Variants in ZZEF1 observed in about 807,000 individuals in gnomAD.
The protein encoded by ZZEF1 is zinc finger ZZ-type and EF-hand domain containing 1, also known as zinc finger ZZ-type and EF-hand domain-containing protein 1.
ZZEF1 carries 157 observed loss-of-function variants against 342.8 expected under a neutral mutation model. The ratio of observed to expected loss-of-function variants is 0.46; its 90% confidence interval spans 0.40 to 0.52. The LOEUF (loss-of-function observed/expected upper bound fraction) is 0.52, where lower values mean the gene tolerates loss of function less well. Among genes scored for constraint, ZZEF1 ranks in the 20% least tolerant of loss-of-function variants. ZZEF1 has a pLI of 0.00. For synonymous variants in ZZEF1, 1,505 were observed against 1,429.1 expected (o/e 1.05, Z -1.20); for missense variants, 3,480 against 3,725.6 (o/e 0.93, Z 1.72).
intron 9 of ZZEF1, 87 bp downstream of exon 9, chr17:4,102,230 T>C: frequency 8.1e-7 from 1 of 1,229,498 alleles, no homozygotes; most frequent in Non-Finnish European, 1.2e-6. Context: ...ACTGCACGCC[T>C]CAAACATTTC....
Position 4,017,280 on chromosome 17 carries a change from T to A in ZZEF1, c.8001+91A>T. On this transcript the variant is annotated intron_variant, in intron 48 of 54. Coordinates refer to ENST00000381638, the MANE Select transcript of ZZEF1 (RefSeq NM_015113.4). The surrounding 1 kb of genome is among the most constrained non-coding windows in gnomAD (Gnocchi z 5.1). Reference sequence around the variant, plus strand: ...TCAGGGAGCTGCACAGCCACACAGGTAGCCTCGCTCCAGGAAGCACTCACT... The same window carrying A: ...TCAGGGAGCTGCACAGCCACACAGGAAGCCTCGCTCCAGGAAGCACTCACT... 2 of 1,507,710 alleles carry A rather than the reference T, an allele frequency of 1.3e-6. No individual in the cohort carries two copies. Among genetic ancestry groups the A allele is most frequent in the Non-Finnish European group, 1.8e-6 (2 of 1,127,134 alleles). 93.4% of individuals were successfully genotyped at this position (1,507,710 alleles called of 1,614,324 possible).
chr17:4,097,251 C>A (rs1342991449), intron 9 of ZZEF1, among the ~76,000 whole-genome samples: 32 of 137,244 alleles, frequency 2.3e-4, no homozygotes, highest in African/African-American at 4.2e-4. Context: ...AACTCCGTCT[C>A]AAAAAAAAAA....
At chr17:4,091,665 T>C (rs1351071465) in intron 11 of ZZEF1, among the ~76,000 whole-genome samples, 1 of 151,908 alleles carries the variant, frequency 6.6e-6, no homozygotes, top group Non-Finnish European at 1.5e-5. Context: ...TAATCTCAGC[T>C]ACTCAGGAGG....
chr17:4,050,730 T>G lies in ZZEF1; in HGVS notation c.5863+51A>C, dbSNP rs571389017. ...GTATTTTACATTTGCCAAGGCTTTTTTTCACCAGCAACTGAGGGCTGGTTT... is the reference window on the plus strand; with the variant it reads ...GTATTTTACATTTGCCAAGGCTTTTGTTCACCAGCAACTGAGGGCTGGTTT... On this transcript the variant is annotated intron_variant, in intron 36 of 54. Coordinates refer to ENST00000381638, the MANE Select transcript of ZZEF1 (RefSeq NM_015113.4). The G allele has an allele frequency of 6.8e-6, 11 of 1,607,264 alleles. No individual in the cohort carries two copies. The South Asian group carries it at 1.2e-4, about 18-fold the overall frequency.
At chr17:4,108,220 A>C (rs1416994901) in intron 6 of ZZEF1, among the ~76,000 whole-genome samples, 1 of 152,238 alleles carries the variant, frequency 6.6e-6, no homozygotes, top group Non-Finnish European at 1.5e-5. Flanking sequence ...AGACTGCATT[A>C]GAATGAGGAC....
chr17:4,103,727 G>A (rs2058164451), intron 8 of ZZEF1, among the ~76,000 whole-genome samples: 1 of 152,176 alleles, frequency 6.6e-6, no homozygotes, highest in East Asian at 1.9e-4. Flanking sequence ...AGACCAGCTT[G>A]GGCAACATAG....
chr17:4,024,186 GTTTTTTTTTTT>G (rs754985234), intron 43 of ZZEF1, among the ~76,000 whole-genome samples: 13 of 94,430 alleles, frequency 1.4e-4, no homozygotes, highest in East Asian at 3.3e-4. Context: ...TATTGCCCAG[GTTTTTTTTTTT>G]TTTTTTTTTT....
chr17:4,024,998 A>C lies in ZZEF1; in HGVS notation c.7013T>G (p.Met2338Arg). ...FIASHLLQSS[M>R]DSHCPEAVEA... The stretch of plus-strand genomic sequence containing the variant: ...TACTGCCTCGGGACAATGGCTGTCC[A>C]TGCTGCTTTGCAGAAGGTGACTGGC... The change falls in exon 43 of 55, where the codon ATG becomes AGG. Residue 2338 changes from methionine (M) to arginine (R), a missense_variant. Physicochemically the swap from Met to Arg is moderately conservative, Grantham distance 91 (BLOSUM62 -1). Transcript: ENST00000381638. The C allele has an allele frequency of 6.2e-7, 1 of 1,614,192 alleles. No homozygotes were observed.
At position 4,017,769 on chromosome 17, in the gene ZZEF1, C is replaced by G; in HGVS notation, c.7642-39G>C. 1.2e-6 allele frequency: 2 copies of G among 1,613,010 alleles called. No individual in the cohort carries two copies. Among genetic ancestry groups the G allele is most frequent in the Non-Finnish European group, 1.7e-6 (2 of 1,179,524 alleles). ...ACCACCATTACAGAGGTCTAGCCTT[C>G]TTACAGTGGTGGTATGGGGTGGGGG... is the stretch of plus-strand genomic sequence containing the variant. On this transcript the variant is annotated intron_variant, in intron 47 of 54. Coordinates refer to ENST00000381638, the MANE Select transcript of ZZEF1 (RefSeq NM_015113.4). This position sits in a 1 kb window ranked among gnomAD's most constrained non-coding sequence, Gnocchi z 5.1.
chr17:4,094,007 C>T (rs2057991385), intron 11 of ZZEF1, among the ~76,000 whole-genome samples: 1 of 152,174 alleles, frequency 6.6e-6, no homozygotes, highest in Admixed American at 6.5e-5. Flanking sequence ...CTTCATGAGG[C>T]CCTGGCTTTC....
At position 4,013,625 on chromosome 17, in the gene ZZEF1, C is replaced by T. The variant is rs762273700; in HGVS notation, c.8414-11G>A. 30 of 1,605,808 alleles carry T rather than the reference C, an allele frequency of 1.9e-5. No individual in the cohort carries two copies. The South Asian group carries it at 2.9e-4, about 15-fold the overall frequency. ...TCAAAATCTCGAATCCTGGCCAACA[C>T]CCCAAAACACGGATATATAAACAGA... On this transcript the variant is annotated splice_polypyrimidine_tract_variant and intron_variant, in intron 51 of 54. Transcript: ENST00000381638.
At chr17:4,115,607 G>T (rs1363486598) in intron 3 of ZZEF1, among the ~76,000 whole-genome samples, 1 of 152,108 alleles carries the variant, frequency 6.6e-6, no homozygotes, top group Non-Finnish European at 1.5e-5. Flanking sequence ...AGGTTTCGGT[G>T]AGCCGGGATC....
At chr17:4,078,620 A>G (rs1333549176) in intron 18 of ZZEF1, among the ~76,000 whole-genome samples, 2 of 152,236 alleles carry the variant, frequency 1.3e-5, no homozygotes, top group Non-Finnish European at 2.9e-5. Flanking sequence ...CAAGGCAGGA[A>G]GAGAGTGAGC....
rs1458887190 is a variant in ZZEF1, at chr17:4,076,742, G to T, written c.3129C>A (p.Asp1043Glu). Reference protein sequence around the residue: ...AARQLVIFLLDFCTLDIPHCV... With the variant: ...AARQLVIFLLEFCTLDIPHCV... ...AGTGTGGGATGTCTAAAGTGCAGAAGTCCAGCAGGAAGATAACCTAATGGA... is the reference window on the plus strand; with the variant it reads ...AGTGTGGGATGTCTAAAGTGCAGAATTCCAGCAGGAAGATAACCTAATGGA... Residue 1043 changes from aspartate to glutamate, a missense_variant, in exon 21 of 55, where the codon GAC becomes GAA. Physicochemically the swap from Asp to Glu is conservative, Grantham distance 45. Coordinates refer to ENST00000381638, the MANE Select transcript of ZZEF1 (RefSeq NM_015113.4). 6.2e-7 allele frequency: 1 copy of T among 1,610,530 alleles called. No individual in the cohort carries two copies. Among genetic ancestry groups the T allele is most frequent in the Non-Finnish European group, 8.5e-7 (1 of 1,177,392 alleles).
rs1017382915 is a variant in ZZEF1 at position 4,004,469 on chromosome 17, A to G, written c.*2421T>C. The G allele has an allele frequency of 6.6e-6, 1 of 152,328 alleles. No homozygotes were observed. The highest frequency in any genetic ancestry group is 1.5e-5 in the Non-Finnish European group (1 of 68,044). The allele number at this position is 152,328 out of a possible 1,614,324, so 9.4% of individuals were successfully genotyped here. A position where few individuals can be genotyped will look rare whatever the true frequency, so the allele number is the denominator to read the frequency against. On this transcript the variant is annotated 3_prime_UTR_variant, in exon 55 of 55. Transcript: ENST00000381638. ...GTACCTTATTATATAGAATTTGTACAATATATTTCTTTTCGTTTGCATATT... is the reference window on the plus strand; with the variant it reads ...GTACCTTATTATATAGAATTTGTACGATATATTTCTTTTCGTTTGCATATT...
rs1307077960 is a variant in ZZEF1, at chr17:4,142,596, G to C, written c.300C>G (p.Phe100Leu). The C allele has an allele frequency of 6.2e-7, 1 of 1,604,988 alleles. No homozygotes were observed. The highest frequency in any genetic ancestry group is 1.7e-5 in the Admixed American group (1 of 59,982). ...RGEESVTLEQ[F>L]RELLEARGAG... is the part of the protein sequence containing the mutation. ...CGCCGCGAGCCTCCAGCAGCTCCCG[G>C]AACTGCTCCAGAGTGACAGACTCTT... Residue 100 changes from phenylalanine to leucine, a missense_variant, in exon 1 of 55, where the codon TTC becomes TTG. Phe to Leu is a conservative substitution (Grantham distance 22). This residue lies in a region of ZZEF1 where 416 missense variants were observed against 374.2 expected (regional missense o/e 1.11). Transcript: ENST00000381638.
At chr17:4,049,384 T>G (rs2056995465) in intron 37 of ZZEF1, among the ~76,000 whole-genome samples, 1 of 152,062 alleles carries the variant, frequency 6.6e-6, no homozygotes, top group East Asian at 1.9e-4. Context: ...TGGTAGCACA[T>G]GCCTGCGGCC....
Position 4,076,982 on chromosome 17 carries a change from G to A in ZZEF1, c.2997C>T (p.Gly999=). ...LAVDLIEKYV[G]QFLASMRAIL... ...TCGCTCTCATGCTTGCCAGAAACTG[G>A]CCCACATCTACCGAAACAAAGAAAA... The change falls in exon 20 of 55, where the codon GGC becomes GGT. Residue 999 remains glycine (G), a synonymous_variant. Transcript: ENST00000381638. 1.2e-6 allele frequency: 2 copies of A among 1,612,296 alleles called. No individual in the cohort carries two copies. Among genetic ancestry groups the A allele is most frequent in the South Asian group, 2.2e-5 (2 of 90,512 alleles).
chr17:4,132,042 C>T (rs9890303), intron 1 of ZZEF1, among the ~76,000 whole-genome samples: 1 of 151,896 alleles, frequency 6.6e-6, no homozygotes, highest in Non-Finnish European at 1.5e-5. Flanking sequence ...GGTAATACAG[C>T]GTTAAACACT....
Sources: allele counts gnomAD v4.1 joint callset (sites outside exome capture counted in the v4.1 genomes callset), GRCh38; gene constraint gnomAD v4.1.1; regional missense constraint gnomAD v4.1.1; non-coding constraint Gnocchi (gnomAD v3.1); transcripts MANE v1.5; gene names NCBI Gene and HGNC (gene_info 2026-07-23, HGNC 2026-07-21).